The following SLC6A11 variants were observed in gnomAD, a reference collection of about 807,000 sequenced individuals.
SLC6A11 encodes the protein sodium- and chloride-dependent GABA transporter 3.
A neutral mutation model predicts 74.8 loss-of-function variants in SLC6A11; 25 were observed. The ratio of observed to expected loss-of-function variants is 0.33; its 90% CI spans 0.24 to 0.47. SLC6A11 has a LOEUF of 0.47. SLC6A11 is among the 20% of genes least tolerant of loss of function. The pLI, the probability that SLC6A11 is intolerant of heterozygous loss-of-function variation, is 1.00. For synonymous variants in SLC6A11, 330 were observed against 330.2 expected, an observed-to-expected ratio of 1.00 and a Z score of 0.01; for missense variants, 574 against 837.0, an observed-to-expected ratio of 0.69 and a Z score of 3.88.
At chr3:10,882,477 C>G (rs957453858) in intron 6 of SLC6A11, among the ~76,000 whole-genome samples, 1 of 152,146 alleles carries the variant, frequency 6.6e-6, no homozygotes, top group Admixed American at 6.5e-5. Flanking sequence ...CGTTCTCCAC[C>G]CACTAGGATG....
intron 8 of SLC6A11, among the ~76,000 whole-genome samples, chr3:10,919,271 T>C (rs1695502354): frequency 6.6e-6 from 1 of 152,126 alleles, no homozygotes; most frequent in Non-Finnish European, 1.5e-5. Flanking sequence ...TCCAGAAAAT[T>C]AAGTGCATAT....
At chr3:10,885,599 A>C (rs879749929) in intron 6 of SLC6A11, among the ~76,000 whole-genome samples, 913 of 61,244 alleles carry the variant, frequency 0.015, 8 homozygotes, top group African/African-American at 0.12. Context: ...CCCCATGATA[A>C]AAAAAAAAAA....
chr3:10,873,504 C>G (rs1246616382), intron 5 of SLC6A11, among the ~76,000 whole-genome samples: 1 of 150,374 alleles, frequency 6.7e-6, no homozygotes. Context: ...GCTATCCTAT[C>G]CTATCCTATG....
At chr3:10,853,752 T>G (rs889211916) in intron 5 of SLC6A11, among the ~76,000 whole-genome samples, 1 of 152,242 alleles carries the variant, frequency 6.6e-6, no homozygotes, top group Non-Finnish European at 1.5e-5. Context: ...CACCTGACCA[T>G]GGATGTGAAT....
intron 5 of SLC6A11, among the ~76,000 whole-genome samples, chr3:10,853,837 A>G (rs1694606664): frequency 6.6e-6 from 1 of 152,324 alleles, no homozygotes; most frequent in African/African-American, 2.4e-5. Flanking sequence ...AGCCTTAGCC[A>G]CCTTGCACGT....
rs1231558466 is a variant in SLC6A11 at position 10,816,553 on chromosome 3, C to T, written c.256+32C>T. The T allele has an allele frequency of 2.0e-6, 3 of 1,533,534 alleles. No homozygotes were observed. The highest frequency in any genetic ancestry group is 2.3e-4 in the Middle Eastern group (1 of 4,360). The allele number at this position is 1,533,534 out of a possible 1,614,324, so 95.0% of individuals were successfully genotyped here. A position where few individuals can be genotyped will look rare whatever the true frequency, so the allele number is the denominator to read the frequency against. ...TGATAGTGAGGAGAAGGGGAGGGGG[C>T]GCCAACCGCCCGGTGGGGGCGGGGA... On this transcript the variant is annotated intron_variant, in intron 1 of 13. Transcript: ENST00000254488. This position sits in a 1 kb window ranked among gnomAD's most constrained non-coding sequence, Gnocchi z 4.2.
intron 4 of SLC6A11, among the ~76,000 whole-genome samples, chr3:10,835,104 T>G (rs1694349330): frequency 6.6e-6 from 1 of 152,208 alleles, no homozygotes; most frequent in Non-Finnish European, 1.5e-5. Flanking sequence ...ACACAGTGGC[T>G]TCTTGCAATC....
Position 10,816,379 on chromosome 3 carries a change from C to G in SLC6A11, c.114C>G (p.His38Gln), listed in dbSNP as rs1007425807. 6.7e-7 allele frequency: 1 copy of G among 1,501,890 alleles called. No homozygotes were observed. The highest frequency in any genetic ancestry group is 8.9e-7 in the Non-Finnish European group (1 of 1,126,372). The allele number at this position is 1,501,890 out of a possible 1,614,324, so 93.0% of individuals were successfully genotyped here. A position where few individuals can be genotyped will look rare whatever the true frequency, so the allele number is the denominator to read the frequency against. Residue 38 changes from histidine (H) to glutamine (Q), a missense_variant, in exon 1 of 14, where the codon CAC (histidine) becomes CAG (glutamine). Around this residue, in one of 4 missense-constraint regions of SLC6A11, gnomAD observed 86 missense variants for 87.4 expected, o/e 0.98. Transcript: ENST00000254488. The surrounding 1 kb of genome is among the most constrained non-coding windows in gnomAD (Gnocchi z 4.2). Reference protein sequence around the residue: ...CSSGGAAPARHPRVKRDKAVH... With the variant: ...CSSGGAAPARQPRVKRDKAVH... ...GCGGGGGCGCGGCGCCCGCGCGCCACCCGCGCGTCAAGCGCGACAAGGCGG... is the reference window on the plus strand; with the variant it reads ...GCGGGGGCGCGGCGCCCGCGCGCCAGCCGCGCGTCAAGCGCGACAAGGCGG...
intron 4 of SLC6A11, among the ~76,000 whole-genome samples, chr3:10,836,056 T>C (rs1000587086): frequency 6.6e-6 from 1 of 152,034 alleles, no homozygotes; most frequent in Non-Finnish European, 1.5e-5. Flanking sequence ...CACTCAGCTA[T>C]TTTTTTTATC....
chr3:10,868,595 G>C (rs1694792256), intron 5 of SLC6A11, among the ~76,000 whole-genome samples: 1 of 152,216 alleles, frequency 6.6e-6, no homozygotes, highest in Non-Finnish European at 1.5e-5. Flanking sequence ...CTCCTTTCAT[G>C]GACTGAGGGT....
intron 6 of SLC6A11, among the ~76,000 whole-genome samples, chr3:10,876,796 AC>A (rs1303326676): frequency 7.7e-5 from 11 of 143,390 alleles, no homozygotes; most frequent in Admixed American, 2.1e-4. Context: ...AAAAAAAAAA[AC>A]AAACGAGAAC....
chr3:10,927,314 C>A (rs560675086), intron 9 of SLC6A11, among the ~76,000 whole-genome samples: 2 of 152,276 alleles, frequency 1.3e-5, no homozygotes, highest in South Asian at 4.1e-4. Flanking sequence ...TCGGCGAGTC[C>A]CTGGGCTGAG....
chr3:10,919,084 C>T (rs938082743), intron 8 of SLC6A11, among the ~76,000 whole-genome samples: 1 of 152,030 alleles, frequency 6.6e-6, no homozygotes, highest in South Asian at 2.1e-4. Flanking sequence ...GCTTGGAGAG[C>T]ACCTCTCCCT....
intron 6 of SLC6A11, among the ~76,000 whole-genome samples, chr3:10,896,335 C>G (rs1695171354): frequency 6.6e-6 from 1 of 152,262 alleles, no homozygotes; most frequent in South Asian, 2.1e-4. Flanking sequence ...AATGACCCCT[C>G]TCTAGCCACT....
chr3:10,885,361 C>G (rs1400097004), intron 6 of SLC6A11, among the ~76,000 whole-genome samples: 2 of 152,136 alleles, frequency 1.3e-5, no homozygotes, highest in African/African-American at 4.8e-5. Context: ...ATTCCAAGCT[C>G]TGCCTCCCCT....
At position 10,819,466 on chromosome 3, in the gene SLC6A11, G is replaced by A. The variant is rs775487651; in HGVS notation, c.258G>A (p.Gly86=). Reference sequence around the variant, plus strand: ...TTTCATTCCTTTGCATCCTTACAGGGGCATTCCTGATTCCCTACGTGGTGT... The same window carrying A: ...TTTCATTCCTTTGCATCCTTACAGGAGCATTCCTGATTCCCTACGTGGTGT... ...FPYLCYKNGG[G]AFLIPYVVFF... The change falls in exon 2 of 14, where the codon GGG becomes GGA. Residue 86 remains glycine, a splice_region_variant and synonymous_variant. Coordinates refer to ENST00000254488, the MANE Select transcript of SLC6A11 (RefSeq NM_014229.3). The A allele has an allele frequency of 1.2e-5, 20 of 1,611,550 alleles. No individual in the cohort carries two copies. The East Asian group carries it at 4.2e-4, about 34-fold the overall frequency.
At position 10,841,846 on chromosome 3, in the gene SLC6A11, T is replaced by C. The variant is rs1694441834; in HGVS notation, c.624-2368T>C. ...GTGTGTGTGTATGTGCATGTGTGCA[T>C]GTGCATACGCGTGCATACACCCTGG... On this transcript the variant is annotated intron_variant, in intron 4 of 13. Coordinates refer to ENST00000254488, the MANE Select transcript of SLC6A11 (RefSeq NM_014229.3). 2.0e-5 allele frequency among the ~76,000 whole-genome samples: 3 copies of C among 152,214 alleles called. No individual in the cohort carries two copies. In the South Asian group the frequency reaches 6.2e-4, roughly 32 times the overall value.
intron 13 of SLC6A11, among the ~76,000 whole-genome samples, chr3:10,936,845 G>A (rs76037657): frequency 0.014 from 2,148 of 152,294 alleles, 52 homozygotes; most frequent in African/African-American, 0.049. Context: ...CCGGCCTGGT[G>A]TGGGCGGGAA....
intron 1 of SLC6A11, among the ~76,000 whole-genome samples, chr3:10,817,804 G>C (rs1694082810): frequency 1.3e-5 from 2 of 152,174 alleles, no homozygotes; most frequent in Admixed American, 1.3e-4. Context: ...CGCTGGTGTT[G>C]GCGGCTTGGC....
Sources: gnomAD v4.1 joint callset for allele counts (sites outside exome capture counted in the v4.1 genomes callset) on GRCh38, gnomAD v4.1.1 for gene constraint, gnomAD v4.1.1 regional missense constraint, Gnocchi (gnomAD v3.1) non-coding constraint, MANE v1.5 for transcripts, NCBI Gene and HGNC (gene_info 2026-07-23, HGNC 2026-07-21) for gene names.